Variants in MLLT3 observed in about 807,000 individuals in gnomAD.
MLLT3 encodes the protein protein AF-9.
A neutral mutation model predicts 53.2 loss-of-function variants in MLLT3; 4 were observed. The observed-to-expected ratio is 0.08, with a 90% CI of 0.04 to 0.17. The LOEUF (loss-of-function observed/expected upper bound fraction) is 0.17, where lower values mean the gene tolerates loss of function less well. Among genes scored for constraint, MLLT3 ranks in the 10% least tolerant of loss-of-function variants. The probability of loss-of-function intolerance (pLI) is 1.00; values close to 1 mark genes in which losing one functional copy is unlikely to be tolerated. For synonymous variants in MLLT3, 283 were observed against 230.6 expected, an observed-to-expected ratio of 1.23 and a Z score of -2.06; for missense variants, 569 against 684.0, an observed-to-expected ratio of 0.83 and a Z score of 1.87.
chr9:20,620,736 G>C lies in MLLT3; in HGVS notation c.111C>G (p.Arg37=), dbSNP rs746390222. Residue 37 remains arginine, a synonymous_variant, in exon 2 of 11, where the codon CGC becomes CGG. Coordinates refer to ENST00000380338, the MANE Select transcript of MLLT3 (RefSeq NM_004529.4). The surrounding 1 kb of genome is among the most constrained non-coding windows in gnomAD (Gnocchi z 6.1). ...GFTHDWMVFV[R]GPEHSNIQHF... is the part of the protein sequence containing the mutation. ...GCTGTATGTTACTGTGCTCCGGACC[G>C]CGTACGAACACCATCCAGTCGTGGG... is the stretch of plus-strand genomic sequence containing the variant. 40 of 1,614,162 alleles carry C rather than the reference G, an allele frequency of 2.5e-5. No individual in the cohort carries two copies. Among genetic ancestry groups the C allele is most frequent in the East Asian group, 1.1e-4 (5 of 44,876 alleles).
chr9:20,564,326 A>C (rs908331520), intron 2 of MLLT3, among the ~76,000 whole-genome samples: 1 of 152,084 alleles, frequency 6.6e-6, no homozygotes, highest in Non-Finnish European at 1.5e-5. Flanking sequence ...CAGGGGAGGG[A>C]AAATGAGGAG....
chr9:20,604,435 C>A (rs1255505761), intron 2 of MLLT3, among the ~76,000 whole-genome samples: 1 of 151,988 alleles, frequency 6.6e-6, no homozygotes, highest in African/African-American at 2.4e-5. Flanking sequence ...ACAGTCTAAG[C>A]TGAAGTTTTT....
rs1369771294 is a variant in MLLT3 at position 20,456,648 on chromosome 9, T to TC, written c.276+55dup. ...TTATGAGTCAAAATTATTTTAAACA[T>TC]CATTTGGCTAATGGTGGATCGTCTA... On this transcript the variant is annotated intron_variant, in intron 3 of 10. Transcript: ENST00000380338. The TC allele has an allele frequency of 3.4e-6, 4 of 1,189,792 alleles. No homozygotes were observed. The African/African-American group carries it at 4.6e-5, about 14-fold the overall frequency. The allele number at this position is 1,189,792 out of a possible 1,614,324, so 73.7% of individuals were successfully genotyped here. A position where few individuals can be genotyped will look rare whatever the true frequency, so the allele number is the denominator to read the frequency against.
chr9:20,362,665 C>T (rs1337915122), intron 7 of MLLT3: 1 of 143,442 alleles, frequency 7.0e-6, no homozygotes, highest in African/African-American at 2.7e-5. Flanking sequence ...AAAGCATTGG[C>T]AATTAGGAAG....
At chr9:20,591,279 A>T (rs924609806) in intron 2 of MLLT3, among the ~76,000 whole-genome samples, 1 of 152,178 alleles carries the variant, frequency 6.6e-6, no homozygotes, top group Non-Finnish European at 1.5e-5. Flanking sequence ...GAGGTGCTGC[A>T]ATTTGGGCAC....
chr9:20,431,026 T>A (rs576006810), intron 4 of MLLT3, among the ~76,000 whole-genome samples: 16 of 152,074 alleles, frequency 1.1e-4, no homozygotes, highest in African/African-American at 3.9e-4. Context: ...ATGATACAAC[T>A]TTATGTGCTT....
At chr9:20,475,974 T>C (rs1344156139) in intron 2 of MLLT3, among the ~76,000 whole-genome samples, 1 of 152,152 alleles carries the variant, frequency 6.6e-6, no homozygotes, top group Non-Finnish European at 1.5e-5. Context: ...ATGATAATGC[T>C]ACCTAAAAGT....
At chr9:20,522,832 G>A (rs943445622) in intron 2 of MLLT3, among the ~76,000 whole-genome samples, 28 of 152,238 alleles carry the variant, frequency 1.8e-4, no homozygotes, top group African/African-American at 5.3e-4. Flanking sequence ...GTGGTGGTGC[G>A]TGCCTGTAGG....
chr9:20,496,775 A>C (rs1825088839), intron 2 of MLLT3, among the ~76,000 whole-genome samples: 1 of 152,208 alleles, frequency 6.6e-6, no homozygotes, highest in African/African-American at 2.4e-5. Flanking sequence ...ATGCCAGTGG[A>C]TTCAGGCTTA....
chr9:20,594,846 A>G (rs1296322725), intron 2 of MLLT3, among the ~76,000 whole-genome samples: 1 of 152,162 alleles, frequency 6.6e-6, no homozygotes, highest in African/African-American at 2.4e-5. Flanking sequence ...GTTCCCCTGT[A>G]TGGTCCAAAA....
chr9:20,383,755 G>A (rs1821962651), intron 5 of MLLT3, among the ~76,000 whole-genome samples: 1 of 151,824 alleles, frequency 6.6e-6, no homozygotes, highest in Non-Finnish European at 1.5e-5. Context: ...CAAGAAATAA[G>A]GTAACTTCCT....
intron 4 of MLLT3, among the ~76,000 whole-genome samples, chr9:20,441,432 T>G (rs75199676): frequency 0.016 from 2,451 of 152,230 alleles, 78 homozygotes; most frequent in African/African-American, 0.055. Context: ...GGCTCACAAT[T>G]TTGACTTTCT....
chr9:20,383,978 T>C (rs967792953), intron 5 of MLLT3, among the ~76,000 whole-genome samples: 6 of 152,012 alleles, frequency 3.9e-5, no homozygotes, highest in Admixed American at 6.6e-5. Flanking sequence ...TGAGAATTCA[T>C]AGAAAAAAGA....
chr9:20,522,667 T>C (rs1312398427), intron 2 of MLLT3, among the ~76,000 whole-genome samples: 1 of 123,992 alleles, frequency 8.1e-6, no homozygotes, highest in East Asian at 3.0e-4. Flanking sequence ...ATAAACAGAA[T>C]AAAAACAGTT....
At chr9:20,374,794 A>G (rs1821712304) in intron 5 of MLLT3, among the ~76,000 whole-genome samples, 1 of 152,282 alleles carries the variant, frequency 6.6e-6, no homozygotes, top group East Asian at 1.9e-4. Context: ...TTGCACTACC[A>G]CTAGTAAGGT....
chr9:20,564,763 T>A (rs1384107084), intron 2 of MLLT3, among the ~76,000 whole-genome samples: 1 of 152,198 alleles, frequency 6.6e-6, no homozygotes, highest in South Asian at 2.1e-4. Flanking sequence ...GATCAAAAAG[T>A]GGGCTCTCTT....
At chr9:20,455,135 T>C (rs1390137434) in intron 3 of MLLT3, among the ~76,000 whole-genome samples, 1 of 152,198 alleles carries the variant, frequency 6.6e-6, no homozygotes, top group African/African-American at 2.4e-5. Flanking sequence ...TGAAAGTATA[T>C]CACGTCAACA....
At chr9:20,520,335 C>G (rs984257501) in intron 2 of MLLT3, among the ~76,000 whole-genome samples, 1 of 151,778 alleles carries the variant, frequency 6.6e-6, no homozygotes, top group African/African-American at 2.4e-5. Context: ...TGCACATGGA[C>G]CCCTGAACTT....
intron 5 of MLLT3, among the ~76,000 whole-genome samples, chr9:20,389,326 T>C (rs1158836700): frequency 1.3e-5 from 2 of 152,180 alleles, no homozygotes; most frequent in Non-Finnish European, 2.9e-5. Context: ...ACTGTACAGA[T>C]AGAAAGTAGA....
Sources: gnomAD v4.1 joint callset for allele counts (sites outside exome capture counted in the v4.1 genomes callset) on GRCh38, gnomAD v4.1.1 for gene constraint, Gnocchi (gnomAD v3.1) non-coding constraint, MANE v1.5 for transcripts, NCBI Gene and HGNC (gene_info 2026-07-23, HGNC 2026-07-21) for gene names.